Variants in PSD3 observed in about 807,000 individuals in gnomAD.
PSD3 encodes the protein pleckstrin and Sec7 domain containing 3, also known as PH and SEC7 domain-containing protein 3.
Under a neutral mutation model 105.5 loss-of-function variants are expected in PSD3, and 49 were observed. The observed-to-expected ratio is 0.46, with a 90% confidence interval of 0.37 to 0.59. The LOEUF is 0.59. Ranked by LOEUF, PSD3 falls within the 20% of genes least tolerant of loss-of-function variation. The pLI, the probability that PSD3 is intolerant of heterozygous loss-of-function variation, is 0.00. For missense variants in PSD3, 1,561 were observed against 1,263.8 expected, an observed-to-expected ratio of 1.24 and a Z score of -3.57; for synonymous variants, 557 against 457.8, an observed-to-expected ratio of 1.22 and a Z score of -2.77.
chr8:18,653,440 G>A (rs1368481541), intron 10 of PSD3, among the ~76,000 whole-genome samples: 1 of 151,942 alleles, frequency 6.6e-6, no homozygotes, highest in Non-Finnish European at 1.5e-5. Context: ...CTTGCTTTAT[G>A]TTCAGTGTTT....
At chr8:18,879,332 A>AC (rs1253726057) in intron 2 of PSD3, among the ~76,000 whole-genome samples, 20 of 152,192 alleles carry the variant, frequency 1.3e-4, no homozygotes, top group African/African-American at 4.8e-4. Context: ...CCTGCGTGAC[A>AC]GATTGCTTGC....
intron 1 of PSD3, among the ~76,000 whole-genome samples, chr8:18,954,128 A>C (rs1053447081): frequency 1.3e-5 from 2 of 152,170 alleles, no homozygotes; most frequent in Non-Finnish European, 2.9e-5. Flanking sequence ...CCCCATCATA[A>C]GTTGAAAAAT....
At chr8:18,697,648 T>C (rs1801334333) in intron 9 of PSD3, among the ~76,000 whole-genome samples, 1 of 152,178 alleles carries the variant, frequency 6.6e-6, no homozygotes, top group Non-Finnish European at 1.5e-5. Flanking sequence ...TCCTCCTTTA[T>C]CTTAAAATCC....
chr8:18,947,566 G>A (rs899883623), intron 1 of PSD3, among the ~76,000 whole-genome samples: 6 of 152,148 alleles, frequency 3.9e-5, no homozygotes, highest in African/African-American at 9.7e-5. Context: ...ATGGGGTGGC[G>A]GGGGGCCCAG....
chr8:18,907,622 T>C (rs1819931763), intron 2 of PSD3, among the ~76,000 whole-genome samples: 1 of 152,242 alleles, frequency 6.6e-6, no homozygotes, highest in African/African-American at 2.4e-5. Context: ...CAATAAGCTA[T>C]ACCATATAGC....
At chr8:18,977,348 T>C (rs550766260) in intron 1 of PSD3, among the ~76,000 whole-genome samples, 1 of 151,948 alleles carries the variant, frequency 6.6e-6, no homozygotes, top group Non-Finnish European at 1.5e-5. Context: ...AATTAAACAC[T>C]TAGCCTCAGT....
intron 2 of PSD3, among the ~76,000 whole-genome samples, chr8:18,908,315 T>C (rs1015137638): frequency 2.6e-5 from 4 of 152,210 alleles, no homozygotes; most frequent in African/African-American, 9.7e-5. Flanking sequence ...TTTGGATTAA[T>C]ATTTAAGGTC....
chr8:18,606,763 A>G (rs1804868562), intron 11 of PSD3, among the ~76,000 whole-genome samples: 1 of 152,200 alleles, frequency 6.6e-6, no homozygotes, highest in Non-Finnish European at 1.5e-5. Flanking sequence ...ACGATACATT[A>G]AGATAAAATG....
At chr8:18,846,556 G>A (rs1451014251) in intron 4 of PSD3, among the ~76,000 whole-genome samples, 1 of 152,202 alleles carries the variant, frequency 6.6e-6, no homozygotes, top group Non-Finnish European at 1.5e-5. Context: ...ATTCCTGGCA[G>A]AGAGGGTCAC....
In PSD3 at chr8:19,074,592, C is replaced by CATATATATATATATATAT. The variant is rs1240382273; in HGVS notation, c.324+9596_324+9613dup. Among the ~76,000 whole-genome samples, 84 of 65,934 alleles carry CATATATATATATATATAT rather than the reference C, an allele frequency of 1.3e-3. 1 individual carries two copies. Among genetic ancestry groups the CATATATATATATATATAT allele is most frequent in the Middle Eastern group, 0.013 (1 of 80 alleles). 43.3% of individuals were successfully genotyped at this position (65,934 alleles called of 152,430 possible). A position where few individuals can be genotyped will look rare whatever the true frequency, so the allele number is the denominator to read the frequency against. ...TATAATTTTACAACTCAGATATATA[C>CATATATATATATATATAT]ATATATATATATATATATATTTTTT... On this transcript the variant is annotated intron_variant, in intron 1 of 1. Transcript: ENST00000521475.
intron 11 of PSD3, among the ~76,000 whole-genome samples, chr8:18,611,667 T>A (rs1055145894): frequency 2.0e-5 from 3 of 152,208 alleles, no homozygotes; most frequent in Non-Finnish European, 4.4e-5. Flanking sequence ...AGAAAGACTT[T>A]TTTTCTCACT....
At chr8:18,708,124 A>G (rs1325231862) in intron 9 of PSD3, among the ~76,000 whole-genome samples, 3 of 152,260 alleles carry the variant, frequency 2.0e-5, no homozygotes, top group South Asian at 2.1e-4. Flanking sequence ...GAAAACAGAC[A>G]GAGGAATCCT....
intron 4 of PSD3, among the ~76,000 whole-genome samples, chr8:18,815,063 T>C (rs770986970): frequency 6.6e-6 from 1 of 152,196 alleles, no homozygotes; most frequent in Non-Finnish European, 1.5e-5. Flanking sequence ...AGGTAAAATA[T>C]ACTTATAAAT....
intron 1 of PSD3, chr8:18,940,072 C>T (rs911922180): frequency 2.0e-5 from 3 of 152,154 alleles, no homozygotes; most frequent in Non-Finnish European, 4.4e-5. Flanking sequence ...CAAAATTTAT[C>T]ATGAATTAGC....
intron 9 of PSD3, among the ~76,000 whole-genome samples, chr8:18,704,564 A>C (rs2129418507): frequency 6.6e-6 from 1 of 151,594 alleles, no homozygotes; most frequent in East Asian, 1.9e-4. Context: ...CTGGTCTTGA[A>C]CTCCTGACCT....
chr8:18,752,648 TATA>T (rs1258652573), intron 9 of PSD3, among the ~76,000 whole-genome samples: 12 of 108,866 alleles, frequency 1.1e-4, no homozygotes, highest in African/African-American at 4.4e-4. Flanking sequence ...ATATAATATA[TATA>T]ATATATTATA....
At chr8:19,019,028 C>T (rs1411672322) in intron 1 of PSD3, among the ~76,000 whole-genome samples, 1 of 152,168 alleles carries the variant, frequency 6.6e-6, no homozygotes, top group African/African-American at 2.4e-5. Flanking sequence ...ATCTCCTGAC[C>T]TTATGATCTG....
chr8:18,572,415 G>A lies in PSD3; in HGVS notation c.2784+113C>T. On this transcript the variant is annotated intron_variant, in intron 14 of 15. Transcript: ENST00000327040. Reference sequence around the variant, plus strand: ...CATTTATATGATACGCTCTCACAGGGCAAGGTCTCACACCTGCCCCCAAAA... The same window carrying A: ...CATTTATATGATACGCTCTCACAGGACAAGGTCTCACACCTGCCCCCAAAA... 9.2e-6 allele frequency: 12 copies of A among 1,301,982 alleles called. No homozygotes were observed. In the South Asian group the frequency reaches 1.4e-4, roughly 15 times the overall value. The allele number at this position is 1,301,982 out of a possible 1,614,324, so 80.7% of individuals were successfully genotyped here. A position where few individuals can be genotyped will look rare whatever the true frequency, so the allele number is the denominator to read the frequency against.
chr8:18,999,980 T>A (rs1040144977), intron 1 of PSD3: 1 of 151,236 alleles, frequency 6.6e-6, no homozygotes, highest in African/African-American at 2.4e-5. Context: ...AGCTCCAGTT[T>A]TAGAATATGA....
Sources: gnomAD v4.1 joint callset for allele counts (sites outside exome capture counted in the v4.1 genomes callset) on GRCh38, gnomAD v4.1.1 for gene constraint, MANE v1.5 for transcripts, NCBI Gene and HGNC (gene_info 2026-07-23, HGNC 2026-07-21) for gene names.